The following AKR1D1 variants were observed in gnomAD, a reference collection of about 807,000 sequenced individuals.
AKR1D1 encodes delta(4)-3-ketosteroid 5-beta-reductase.
Under a neutral mutation model 42.6 loss-of-function variants are expected in AKR1D1, and 32 were observed. The observed-to-expected ratio is 0.75, with a 90% CI of 0.57 to 1.01. The LOEUF is 1.01. Ranked by LOEUF, AKR1D1 falls within the 50% of genes least tolerant of loss-of-function variation. The probability of loss-of-function intolerance (pLI) is 0.00; values close to 1 mark genes in which losing one functional copy is unlikely to be tolerated. For synonymous variants in AKR1D1, 123 were observed against 135.5 expected (o/e 0.91, Z 0.64); for missense variants, 364 against 402.2 (o/e 0.91, Z 0.81).
At chr7:138,086,361 C>A (rs1175758455) in intron 1 of AKR1D1, among the ~76,000 whole-genome samples, 2 of 152,088 alleles carry the variant, frequency 1.3e-5, no homozygotes, top group East Asian at 1.9e-4. Context: ...TTTTTTCTGG[C>A]CTTTTGACTC....
rs180805192 is a variant in AKR1D1, at chr7:138,093,570, C to T, written c.378+1686C>T. ...CATCTCGTCCCACTGGAGGTTCTTC[C>T]GGAGCAATAACACGCATGGAGCTGC... is the stretch of plus-strand genomic sequence containing the variant. On this transcript the variant is annotated intron_variant, in intron 3 of 8. Coordinates refer to ENST00000242375, the MANE Select transcript of AKR1D1 (RefSeq NM_005989.4). 6.3e-3 allele frequency among the ~76,000 whole-genome samples: 961 copies of T among 152,142 alleles called. 7 individuals are homozygous for T. Among genetic ancestry groups the T allele is most frequent in the Non-Finnish European group, 0.011 (715 of 68,016 alleles).
chr7:138,092,717 T>C (rs1794108405), intron 3 of AKR1D1, among the ~76,000 whole-genome samples: 1 of 152,150 alleles, frequency 6.6e-6, no homozygotes, highest in Non-Finnish European at 1.5e-5. Flanking sequence ...GGTAACACAA[T>C]GGTAAATATT....
chr7:138,097,762 A>C, intron 3 of AKR1D1, 104 bp from the exon 4 acceptor site: 1 of 974,714 alleles, frequency 1.0e-6, no homozygotes, highest in Non-Finnish European at 1.5e-6. Flanking sequence ...AACAATAGAC[A>C]TTGATTGCTC....
At chr7:138,115,518 T>C (rs369611117) in intron 8 of AKR1D1, among the ~76,000 whole-genome samples, 7 of 152,150 alleles carry the variant, frequency 4.6e-5, no homozygotes, top group African/African-American at 1.2e-4. Flanking sequence ...ATTATTCAGT[T>C]TGACATCTGA....
Position 138,091,960 on chromosome 7 carries a change from G to C in AKR1D1, c.378+76G>C, listed in dbSNP as rs904918625. Reference sequence around the variant, plus strand: ...CCAATAGCTATGTGCATGAAGCTCTGCACCATGAGCCAATAGCTATGTGCA... The same window carrying C: ...CCAATAGCTATGTGCATGAAGCTCTCCACCATGAGCCAATAGCTATGTGCA... On this transcript the variant is annotated intron_variant, in intron 3 of 8. Coordinates refer to ENST00000242375, the MANE Select transcript of AKR1D1 (RefSeq NM_005989.4). The C allele has an allele frequency of 5.3e-6, 4 of 758,850 alleles. No individual in the cohort carries two copies. The African/African-American group carries it at 7.0e-5, about 13-fold the overall frequency. 47.0% of individuals were successfully genotyped at this position (758,850 alleles called of 1,614,324 possible). A position where few individuals can be genotyped will look rare whatever the true frequency, so the allele number is the denominator to read the frequency against.
At chr7:138,105,761 C>T (rs918057735) in intron 5 of AKR1D1, among the ~76,000 whole-genome samples, 3 of 152,058 alleles carry the variant, frequency 2.0e-5, no homozygotes, top group Non-Finnish European at 4.4e-5. Flanking sequence ...GTGGCACATG[C>T]CTGTAATCCT....
chr7:138,084,667 T>C (rs1441248588), intron 1 of AKR1D1, among the ~76,000 whole-genome samples: 2 of 152,208 alleles, frequency 1.3e-5, no homozygotes, highest in Non-Finnish European at 2.9e-5. Flanking sequence ...ATCATTTATG[T>C]GGTATCCTAT....
chr7:138,112,213 G>A (rs1017938072), intron 7 of AKR1D1, among the ~76,000 whole-genome samples: 2 of 152,102 alleles, frequency 1.3e-5, no homozygotes, highest in African/African-American at 4.8e-5. Flanking sequence ...TAAAGGAGAG[G>A]ACTAGTGTTT....
intron 7 of AKR1D1, among the ~76,000 whole-genome samples, chr7:138,112,183 G>C (rs1794548981): frequency 6.6e-6 from 1 of 152,128 alleles, no homozygotes; most frequent in East Asian, 1.9e-4. Context: ...TACTGGATAA[G>C]AGGCTGATCC....
chr7:138,092,862 T>G (rs555573050), intron 3 of AKR1D1, among the ~76,000 whole-genome samples: 1 of 152,148 alleles, frequency 6.6e-6, no homozygotes, highest in South Asian at 2.1e-4. Context: ...AAGTGGTGAG[T>G]GAATGTGAAG....
At position 138,113,682 on chromosome 7, in the gene AKR1D1, T is replaced by A. The variant is rs1255841816; in HGVS notation, c.856-8T>A. 1 of 1,613,188 alleles carries A rather than the reference T, an allele frequency of 6.2e-7. No individual in the cohort carries two copies. Among genetic ancestry groups the A allele is most frequent in the East Asian group, 2.2e-5 (1 of 44,876 alleles). On this transcript the variant is annotated splice_polypyrimidine_tract_variant and splice_region_variant and intron_variant, in intron 7 of 8. Transcript: ENST00000242375. Reference sequence around the variant, plus strand: ...TTCAAAAATGTTCTATTATTTCCGTTATTTCAGATCTTTGACTTTTCTCTC... The same window carrying A: ...TTCAAAAATGTTCTATTATTTCCGTAATTTCAGATCTTTGACTTTTCTCTC...
intron 1 of AKR1D1, among the ~76,000 whole-genome samples, chr7:138,077,717 A>G (rs1802970292): frequency 6.6e-6 from 1 of 152,232 alleles, no homozygotes; most frequent in African/African-American, 2.4e-5. Context: ...GTGGTCATGT[A>G]TGAATGAACT....
intron 7 of AKR1D1, among the ~76,000 whole-genome samples, chr7:138,109,021 C>T (rs1215580543): frequency 6.6e-6 from 1 of 152,114 alleles, no homozygotes; most frequent in Non-Finnish European, 1.5e-5. Context: ...CATGGGTGCA[C>T]ACACACAGAC....
intron 6 of AKR1D1, 113 bp downstream of exon 6, chr7:138,106,830 T>G: frequency 1.3e-6 from 1 of 777,292 alleles, no homozygotes; most frequent in Non-Finnish European, 2.3e-6. Context: ...TTCAAGTCAT[T>G]ATCTGTATAT....
intron 1 of AKR1D1, among the ~76,000 whole-genome samples, chr7:138,084,783 T>C (rs181220914): frequency 1.9e-3 from 294 of 151,966 alleles, no homozygotes; most frequent in Non-Finnish European, 3.6e-3. Context: ...GTGGGCCGGG[T>C]GCAGTGGCTC....
intron 4 of AKR1D1, chr7:138,098,298 T>TA: frequency 5.0e-6 from 1 of 200,200 alleles, no homozygotes; most frequent in East Asian, 1.3e-4. Flanking sequence ...GAAACAAACT[T>TA]AAAATGATAC....
At chr7:138,096,035 T>C (rs1347983581) in intron 3 of AKR1D1, among the ~76,000 whole-genome samples, 1 of 151,394 alleles carries the variant, frequency 6.6e-6, no homozygotes, top group Non-Finnish European at 1.5e-5. Context: ...ACCTGGTCTC[T>C]ACAAAAAAAA....
chr7:138,076,973 T>C (rs1284005071), intron 1 of AKR1D1, among the ~76,000 whole-genome samples: 1 of 152,174 alleles, frequency 6.6e-6, no homozygotes, highest in Admixed American at 6.6e-5. Context: ...AACAAACACC[T>C]AGTGAATACT....
intron 6 of AKR1D1, 177 bp from the exon 7 acceptor site, chr7:138,107,238 A>C (rs570626352): frequency 5.1e-6 from 4 of 781,340 alleles, no homozygotes; most frequent in East Asian, 4.9e-5. Context: ...ATCTTCCCAT[A>C]CTACGAGTAA....
Sources: allele counts gnomAD v4.1 joint callset (sites outside exome capture counted in the v4.1 genomes callset), GRCh38; gene constraint gnomAD v4.1.1; transcripts MANE v1.5; gene names NCBI Gene and HGNC (gene_info 2026-07-23, HGNC 2026-07-21).